Variants in EYA4 observed in about 807,000 individuals in gnomAD.
EYA4 encodes the protein protein phosphatase EYA4.
A neutral mutation model predicts 87.9 loss-of-function variants in EYA4; 31 were observed. The ratio of observed to expected loss-of-function variants is 0.35; its 90% CI spans 0.27 to 0.48. EYA4 has a LOEUF of 0.48. Among genes scored for constraint, EYA4 ranks in the 20% least tolerant of loss-of-function variants. The probability of loss-of-function intolerance (pLI) is 0.99; values close to 1 mark genes in which losing one functional copy is unlikely to be tolerated. For synonymous variants in EYA4, 263 were observed against 270.6 expected (o/e 0.97, Z 0.28); for missense variants, 678 against 761.4 (o/e 0.89, Z 1.29).
intron 11 of EYA4, among the ~76,000 whole-genome samples, chr6:133,474,666 C>T (rs1465822870): frequency 1.3e-5 from 2 of 152,108 alleles, no homozygotes; most frequent in African/African-American, 4.8e-5. Flanking sequence ...GACCTCAGAC[C>T]TTCAGTCAAT....
intron 5 of EYA4, 88 bp downstream of exon 5, chr6:133,448,267 T>G: frequency 1.0e-6 from 1 of 981,950 alleles, no homozygotes; most frequent in South Asian, 1.3e-5. Context: ...TATGTTTGCA[T>G]CTCTTTTCTG....
chr6:133,375,152 G>A (rs971651321), intron 2 of EYA4, among the ~76,000 whole-genome samples: 2 of 151,966 alleles, frequency 1.3e-5, no homozygotes, highest in African/African-American at 4.8e-5. Flanking sequence ...AGCCAGTTGA[G>A]AAAGTGCATC....
chr6:133,452,716 T>C (rs1793567109), intron 5 of EYA4: 1 of 152,092 alleles, frequency 6.6e-6, no homozygotes, highest in Admixed American at 6.5e-5. Flanking sequence ...ATTTTTACCA[T>C]TTGACTCTAT....
intron 3 of EYA4, among the ~76,000 whole-genome samples, chr6:133,421,570 G>A (rs569420399): frequency 6.1e-4 from 93 of 152,292 alleles, no homozygotes; most frequent in African/African-American, 2.0e-3. Flanking sequence ...TCTTGTGGGT[G>A]TCCTGAAGCT....
At chr6:133,499,812 G>A (rs1032107820) in intron 13 of EYA4, among the ~76,000 whole-genome samples, 16 of 151,850 alleles carry the variant, frequency 1.1e-4, no homozygotes, top group Non-Finnish European at 2.1e-4. Context: ...TCTAGTTCCC[G>A]AGAAATTATA....
intron 13 of EYA4, among the ~76,000 whole-genome samples, chr6:133,491,833 T>C (rs1298193279): frequency 6.6e-6 from 1 of 151,414 alleles, no homozygotes; most frequent in Non-Finnish European, 1.5e-5. Context: ...GTGCCTGTAG[T>C]TCCAGCTACT....
chr6:133,518,299 T>G (rs1022681104), intron 17 of EYA4, among the ~76,000 whole-genome samples: 3 of 152,106 alleles, frequency 2.0e-5, no homozygotes, highest in Non-Finnish European at 4.4e-5. Flanking sequence ...GAATATGTGA[T>G]ATTCCAGAAA....
chr6:133,451,296 A>G (rs1793417852), intron 5 of EYA4, among the ~76,000 whole-genome samples: 2 of 152,328 alleles, frequency 1.3e-5, no homozygotes, highest in South Asian at 4.1e-4. Flanking sequence ...TTAGCTTAAA[A>G]CCATACAGAA....
rs1025085630 is a variant in EYA4 at position 133,530,217 on chromosome 6, C to T, written c.*1412C>T. 1.0e-6 allele frequency: 1 copy of T among 985,264 alleles called. No homozygotes were observed. Among genetic ancestry groups the T allele is most frequent in the Non-Finnish European group, 1.2e-6 (1 of 829,902 alleles). 61.0% of individuals were successfully genotyped at this position (985,264 alleles called of 1,614,324 possible). A position where few individuals can be genotyped will look rare whatever the true frequency, so the allele number is the denominator to read the frequency against. On this transcript the variant is annotated 3_prime_UTR_variant, in exon 20 of 20. Coordinates refer to ENST00000355286, the MANE Select transcript of EYA4 (RefSeq NM_004100.5). ...TAATACCTGGTTCTCCATCTGAATACATCAATGCAGGTTCTCCTCGTAACA... is the reference window on the plus strand; with the variant it reads ...TAATACCTGGTTCTCCATCTGAATATATCAATGCAGGTTCTCCTCGTAACA...
intron 3 of EYA4, among the ~76,000 whole-genome samples, chr6:133,414,374 C>T (rs1355649326): frequency 6.6e-6 from 1 of 152,184 alleles, no homozygotes; most frequent in Non-Finnish European, 1.5e-5. Flanking sequence ...TGAAGAATCC[C>T]TCGTATGTAT....
At chr6:133,437,912 C>G (rs547504635) in intron 3 of EYA4, among the ~76,000 whole-genome samples, 7 of 152,244 alleles carry the variant, frequency 4.6e-5, no homozygotes, top group African/African-American at 1.4e-4. Context: ...GATTACAATT[C>G]AAGATGAGAT....
intron 1 of EYA4, among the ~76,000 whole-genome samples, chr6:133,264,515 C>T (rs543476672): frequency 1.5e-3 from 229 of 152,340 alleles, no homozygotes; most frequent in Non-Finnish European, 2.2e-3. Flanking sequence ...GATGGCGGAA[C>T]GCCTGTACTG....
intron 2 of EYA4, among the ~76,000 whole-genome samples, chr6:133,322,585 A>G (rs1781175908): frequency 6.6e-6 from 1 of 152,180 alleles, no homozygotes. Flanking sequence ...TAAAATATTT[A>G]TAGTATTACA....
intron 3 of EYA4, among the ~76,000 whole-genome samples, chr6:133,427,614 T>G (rs112331768): frequency 6.6e-6 from 1 of 152,186 alleles, no homozygotes; most frequent in Non-Finnish European, 1.5e-5. Flanking sequence ...AGCTCAAAAT[T>G]TGACACGTAC....
chr6:133,409,648 C>T (rs1023644256), intron 3 of EYA4, among the ~76,000 whole-genome samples: 1 of 151,946 alleles, frequency 6.6e-6, no homozygotes, highest in Non-Finnish European at 1.5e-5. Flanking sequence ...AAGTCAAATA[C>T]ATAGAAACAG....
At chr6:133,404,600 C>T (rs1788543453) in intron 3 of EYA4, among the ~76,000 whole-genome samples, 1 of 152,102 alleles carries the variant, frequency 6.6e-6, no homozygotes, top group African/African-American at 2.4e-5. Context: ...TCTCTAGTTT[C>T]AGCACCCACA....
intron 13 of EYA4, among the ~76,000 whole-genome samples, chr6:133,503,243 G>A (rs752778783): frequency 2.6e-5 from 4 of 152,120 alleles, no homozygotes; most frequent in Non-Finnish European, 5.9e-5. Context: ...TCAGAAGCAT[G>A]GAATTGATCA....
intron 1 of EYA4, chr6:133,244,979 G>GA (rs1394675004): frequency 6.6e-6 from 1 of 152,066 alleles, no homozygotes; most frequent in African/African-American, 2.4e-5. Context: ...AAAACTCACA[G>GA]TTTTTATACA....
At chr6:133,277,454 T>G (rs1777270282) in intron 2 of EYA4, among the ~76,000 whole-genome samples, 1 of 152,214 alleles carries the variant, frequency 6.6e-6, no homozygotes, top group African/African-American at 2.4e-5. Context: ...TTAAAACCTT[T>G]GGGAAATTAC....
Sources: gnomAD v4.1 joint callset for allele counts (sites outside exome capture counted in the v4.1 genomes callset) on GRCh38, gnomAD v4.1.1 for gene constraint, MANE v1.5 for transcripts, NCBI Gene and HGNC (gene_info 2026-07-23, HGNC 2026-07-21) for gene names.